SYNGR1: variants seen among roughly 807,000 people sequenced by gnomAD.
SYNGR1 encodes synaptogyrin 1.
A neutral mutation model predicts 26.1 loss-of-function variants in SYNGR1; 14 were observed. The ratio of observed to expected loss-of-function variants is 0.54; its 90% CI spans 0.35 to 0.84. SYNGR1 has a LOEUF of 0.84. Among genes scored for constraint, SYNGR1 ranks in the 40% least tolerant of loss-of-function variants. The pLI, the probability that SYNGR1 is intolerant of heterozygous loss-of-function variation, is 0.01. For missense variants in SYNGR1, 319 were observed against 332.9 expected (o/e 0.96, Z 0.33); for synonymous variants, 141 against 150.1 (o/e 0.94, Z 0.44).
At chr22:39,360,776 G>T (rs1924434962) in intron 1 of SYNGR1, among the ~76,000 whole-genome samples, 1 of 152,200 alleles carries the variant, frequency 6.6e-6, no homozygotes, top group African/African-American at 2.4e-5. Flanking sequence ...CCAGCGTTGA[G>T]TCAGCGTTGA....
intron 3 of SYNGR1, chr22:39,376,899 G>A (rs773519573): frequency 6.6e-7 from 1 of 1,510,618 alleles, no homozygotes. Flanking sequence ...TATTGTGTGT[G>A]TCAAACAAAG....
intron 1 of SYNGR1, among the ~76,000 whole-genome samples, chr22:39,365,192 G>A (rs1924680666): frequency 6.6e-6 from 1 of 152,146 alleles, no homozygotes. Context: ...CTCGGCTGCT[G>A]TGGCCAGTGT....
At chr22:39,376,312 C>T (rs1325492291) in intron 3 of SYNGR1, 115 bp downstream of exon 3, 11 of 1,530,040 alleles carry the variant, frequency 7.2e-6, no homozygotes, top group Non-Finnish European at 9.9e-6. Flanking sequence ...CCCACACTAC[C>T]CTCGCTCCCT....
At chr22:39,356,664 C>T (rs577301779) in intron 1 of SYNGR1, among the ~76,000 whole-genome samples, 14 of 152,224 alleles carry the variant, frequency 9.2e-5, no homozygotes, top group Admixed American at 7.9e-4. Flanking sequence ...TGGAGGGAGC[C>T]ACACTTGGCA....
intron 1 of SYNGR1, among the ~76,000 whole-genome samples, chr22:39,356,460 G>A (rs1924148295): frequency 6.6e-6 from 1 of 152,222 alleles, no homozygotes; most frequent in Non-Finnish European, 1.5e-5. Context: ...GAGTCACTGG[G>A]ATCGGAACCC....
rs202067842 is a variant in SYNGR1, at chr22:39,381,881, C to G, written c.669C>G (p.Thr223=). 3.7e-6 allele frequency: 6 copies of G among 1,612,606 alleles called. No individual in the cohort carries two copies. In the African/African-American group the frequency reaches 6.7e-5, roughly 18 times the overall value. Residue 223 remains threonine (T), a synonymous_variant, in exon 4 of 4, where the codon ACC becomes ACG. Coordinates refer to ENST00000328933, the MANE Select transcript of SYNGR1 (RefSeq NM_004711.5). ...TYQQPANTFD[T]EPQGYQSQGY Reference sequence around the variant, plus strand: ...AGCAGCCGGCCAACACCTTCGACACCGAGCCCCAGGGCTACCAGTCGCAGG... The same window carrying G: ...AGCAGCCGGCCAACACCTTCGACACGGAGCCCCAGGGCTACCAGTCGCAGG...
At chr22:39,354,471 G>A (rs1684743965) in intron 1 of SYNGR1, among the ~76,000 whole-genome samples, 1 of 152,008 alleles carries the variant, frequency 6.6e-6, no homozygotes, top group Admixed American at 6.6e-5. Context: ...GGCCTGAGGG[G>A]GGCAGCTTCA....
intron 3 of SYNGR1, chr22:39,380,057 G>C (rs934020653): frequency 5.9e-5 from 9 of 151,970 alleles, no homozygotes; most frequent in Non-Finnish European, 1.0e-4. Flanking sequence ...AGCTCAGTGT[G>C]GTCAGTGTCA....
chr22:39,364,172 A>G (rs1207187577), intron 1 of SYNGR1: 2 of 1,612,298 alleles, frequency 1.2e-6, no homozygotes, highest in Non-Finnish European at 8.5e-7. Flanking sequence ...GCTCAGGACC[A>G]GCAGGCATGC....
rs78309686 is a variant in SYNGR1, at chr22:39,376,048, C to G, written c.338-4C>G. The G allele has an allele frequency of 4.4e-5, 71 of 1,614,088 alleles. No individual in the cohort carries two copies. The highest frequency in any genetic ancestry group is 5.8e-5 in the Non-Finnish European group (69 of 1,180,042). On this transcript the variant is annotated splice_polypyrimidine_tract_variant and splice_region_variant and intron_variant, in intron 2 of 3. Transcript: ENST00000328933. ...CTATTCTGCCCGGTCCTGGGACCCC[C>G]CAGCCTTCTGGGCTTTCCTCTGGTT...
At chr22:39,359,387 C>T (rs1316337020) in intron 1 of SYNGR1, among the ~76,000 whole-genome samples, 1 of 151,742 alleles carries the variant, frequency 6.6e-6, no homozygotes, top group Non-Finnish European at 1.5e-5. Context: ...TTTGGGAGGC[C>T]AAGGCAGGCG....
intron 1 of SYNGR1, among the ~76,000 whole-genome samples, chr22:39,364,726 G>A (rs959611997): frequency 6.6e-6 from 1 of 152,210 alleles, no homozygotes; most frequent in African/African-American, 2.4e-5. Context: ...GCCCTCTGTG[G>A]TGGCTGCATA....
intron 1 of SYNGR1, among the ~76,000 whole-genome samples, chr22:39,367,692 A>G (rs1924827949): frequency 1.3e-5 from 2 of 151,974 alleles, no homozygotes; most frequent in African/African-American, 4.8e-5. Flanking sequence ...GTTTGGTGGC[A>G]CACGCCTGTA....
intron 1 of SYNGR1, among the ~76,000 whole-genome samples, chr22:39,351,117 C>T (rs1923887426): frequency 6.6e-6 from 1 of 152,172 alleles, no homozygotes; most frequent in Non-Finnish European, 1.5e-5. Flanking sequence ...TTCTGGGGCT[C>T]CCTGGGTTTG....
intron 3 of SYNGR1, chr22:39,376,905 C>T: frequency 6.6e-7 from 1 of 1,515,314 alleles, no homozygotes; most frequent in Admixed American, 2.3e-5. Context: ...GTGTGTCAAA[C>T]AAAGTATGTC....
intron 3 of SYNGR1, among the ~76,000 whole-genome samples, chr22:39,379,261 G>C (rs1050264778): frequency 2.0e-5 from 3 of 152,206 alleles, no homozygotes; most frequent in African/African-American, 7.2e-5. Flanking sequence ...CCTTTCCCAA[G>C]GTGCTGGCAC....
chr22:39,372,919 C>T (rs1925096749), intron 1 of SYNGR1, among the ~76,000 whole-genome samples: 1 of 152,076 alleles, frequency 6.6e-6, no homozygotes. Flanking sequence ...TAGTCCAAAA[C>T]ACAACAGCTT....
At chr22:39,357,890 A>G (rs1162972872) in intron 1 of SYNGR1, among the ~76,000 whole-genome samples, 8 of 152,198 alleles carry the variant, frequency 5.3e-5, no homozygotes. Flanking sequence ...CACCCACTCC[A>G]TGGGCTCCTG....
chr22:39,353,699 ATTTCTTTG>A (rs1924017585), intron 1 of SYNGR1, among the ~76,000 whole-genome samples: 2 of 152,280 alleles, frequency 1.3e-5, no homozygotes, highest in South Asian at 4.1e-4. Flanking sequence ...TCAGTGACTC[ATTTCTTTG>A]TTCTAAAGCC....
Sources: gnomAD v4.1 joint callset for allele counts (sites outside exome capture counted in the v4.1 genomes callset) on GRCh38, gnomAD v4.1.1 for gene constraint, MANE v1.5 for transcripts, NCBI Gene and HGNC (gene_info 2026-07-23, HGNC 2026-07-21) for gene names.